HS6ST3: variants seen among roughly 807,000 people sequenced by gnomAD.
The protein encoded by HS6ST3 is heparan-sulfate 6-O-sulfotransferase 3.
HS6ST3 carries 12 observed loss-of-function variants against 36.7 expected under a neutral mutation model. That is an observed-to-expected ratio of 0.33 (90% CI 0.21 to 0.53). The LOEUF (loss-of-function observed/expected upper bound fraction) is 0.53, where lower values mean the gene tolerates loss of function less well. HS6ST3 is among the 20% of genes least tolerant of loss of function. HS6ST3 has a pLI of 0.95. For missense variants in HS6ST3, 584 were observed against 640.9 expected (o/e 0.91, Z 0.96); for synonymous variants, 240 against 257.5 (o/e 0.93, Z 0.65).
intron 1 of HS6ST3, among the ~76,000 whole-genome samples, chr13:96,704,703 T>G (rs1048960434): frequency 2.6e-5 from 4 of 152,040 alleles, no homozygotes; most frequent in Non-Finnish European, 5.9e-5. Context: ...GGATGAAAAC[T>G]ATAAAAACTG....
intron 1 of HS6ST3, among the ~76,000 whole-genome samples, chr13:96,503,702 T>C (rs1566380009): frequency 6.6e-6 from 1 of 152,152 alleles, no homozygotes; most frequent in Non-Finnish European, 1.5e-5. Context: ...TCACATTCAT[T>C]GAGCGGTTCT....
intron 1 of HS6ST3, among the ~76,000 whole-genome samples, chr13:96,242,118 G>A (rs1035440855): frequency 1.3e-5 from 2 of 151,918 alleles, no homozygotes; most frequent in Non-Finnish European, 2.9e-5. Flanking sequence ...AAGAAGTGGG[G>A]GCCGGGCGCA....
intron 1 of HS6ST3, among the ~76,000 whole-genome samples, chr13:96,642,376 T>C (rs2056573416): frequency 6.6e-6 from 1 of 151,906 alleles, no homozygotes; most frequent in Non-Finnish European, 1.5e-5. Context: ...TCATTTTGAA[T>C]TTATCATACA....
At chr13:96,194,535 A>G (rs573862620) in intron 1 of HS6ST3, among the ~76,000 whole-genome samples, 1 of 152,302 alleles carries the variant, frequency 6.6e-6, no homozygotes, top group South Asian at 2.1e-4. Context: ...ATCTTGATAT[A>G]CATCTACATT....
At chr13:96,637,741 A>C (rs2056554755) in intron 1 of HS6ST3, among the ~76,000 whole-genome samples, 2 of 152,062 alleles carry the variant, frequency 1.3e-5, no homozygotes, top group African/African-American at 4.8e-5. Flanking sequence ...TAAACAAATA[A>C]AAAAAACAAT....
intron 1 of HS6ST3, among the ~76,000 whole-genome samples, chr13:96,648,805 T>A (rs1240131687): frequency 6.6e-6 from 1 of 152,080 alleles, no homozygotes; most frequent in Non-Finnish European, 1.5e-5. Flanking sequence ...TCCAGCTCCA[T>A]CCATGTCCCT....
intron 1 of HS6ST3, among the ~76,000 whole-genome samples, chr13:96,133,425 C>G (rs2053985812): frequency 6.6e-6 from 1 of 151,658 alleles, no homozygotes; most frequent in African/African-American, 2.4e-5. Flanking sequence ...TGCACCTGAC[C>G]TATTATCTTT....
intron 1 of HS6ST3, among the ~76,000 whole-genome samples, chr13:96,730,669 G>A (rs1038354453): frequency 6.6e-6 from 1 of 152,140 alleles, no homozygotes; most frequent in African/African-American, 2.4e-5. Context: ...CCAGGCTCAA[G>A]CAAACCTTCC....
intron 1 of HS6ST3, among the ~76,000 whole-genome samples, chr13:96,778,202 A>T (rs551444350): frequency 2.6e-4 from 39 of 152,342 alleles, no homozygotes; most frequent in African/African-American, 9.1e-4. Flanking sequence ...TAAACGTAAG[A>T]CCTAAAACCA....
At chr13:96,424,881 T>C (rs966176686) in intron 1 of HS6ST3, among the ~76,000 whole-genome samples, 1 of 152,190 alleles carries the variant, frequency 6.6e-6, no homozygotes, top group African/African-American at 2.4e-5. Context: ...TTTTTTTCCA[T>C]TGAGCAATAT....
At chr13:96,702,789 G>A (rs1013353651) in intron 1 of HS6ST3, among the ~76,000 whole-genome samples, 8 of 152,196 alleles carry the variant, frequency 5.3e-5, no homozygotes, top group African/African-American at 7.2e-5. Context: ...ATCTTAGTAT[G>A]TAAGTTCACA....
At chr13:96,589,055 GAAA>G (rs774694159) in intron 1 of HS6ST3, among the ~76,000 whole-genome samples, 3 of 51,424 alleles carry the variant, frequency 5.8e-5, no homozygotes, top group African/African-American at 1.3e-4. Context: ...CATCTCAAGA[GAAA>G]AAAAAAAAAA....
intron 1 of HS6ST3, among the ~76,000 whole-genome samples, chr13:96,187,569 A>G (rs2054270283): frequency 6.6e-6 from 1 of 152,174 alleles, no homozygotes; most frequent in Non-Finnish European, 1.5e-5. Context: ...CCGTGGCTTC[A>G]TATTAGGTTA....
At chr13:96,175,676 C>A (rs2054209409) in intron 1 of HS6ST3, among the ~76,000 whole-genome samples, 1 of 136,828 alleles carries the variant, frequency 7.3e-6, no homozygotes, top group South Asian at 2.4e-4. Flanking sequence ...AATCTTCTAG[C>A]CTTTCTAGTG....
At chr13:96,261,669 A>G (rs1019791599) in intron 1 of HS6ST3, among the ~76,000 whole-genome samples, 12 of 152,220 alleles carry the variant, frequency 7.9e-5, no homozygotes, top group African/African-American at 2.7e-4. Context: ...TTTCTTATAC[A>G]GAAAGTCAGG....
chr13:96,771,672 C>A (rs952542102), intron 1 of HS6ST3, among the ~76,000 whole-genome samples: 4 of 152,152 alleles, frequency 2.6e-5, no homozygotes, highest in Admixed American at 6.5e-5. Context: ...ATTTTGGCAG[C>A]TTTGTCCTGT....
At chr13:96,579,602 C>T (rs1188953100) in intron 1 of HS6ST3, among the ~76,000 whole-genome samples, 1 of 151,810 alleles carries the variant, frequency 6.6e-6, no homozygotes, top group East Asian at 1.9e-4. Flanking sequence ...GAATATTTGG[C>T]TTAGCCTTTC....
intron 1 of HS6ST3, among the ~76,000 whole-genome samples, chr13:96,408,464 G>T (rs1247433317): frequency 2.0e-5 from 3 of 152,110 alleles, no homozygotes; most frequent in South Asian, 2.1e-4. Context: ...TATAATAAAT[G>T]AAAATAGAAG....
chr13:96,784,575 G>T (rs1290051107), intron 1 of HS6ST3, among the ~76,000 whole-genome samples: 2 of 152,072 alleles, frequency 1.3e-5, no homozygotes, highest in African/African-American at 4.8e-5. Context: ...GTGGAGAATA[G>T]ATTTCTATTT....
Sources: allele counts gnomAD v4.1 joint callset (sites outside exome capture counted in the v4.1 genomes callset), GRCh38; gene constraint gnomAD v4.1.1; transcripts MANE v1.5; gene names NCBI Gene and HGNC (gene_info 2026-07-23, HGNC 2026-07-21).